The following VPS16 variants were observed in gnomAD, a reference collection of about 807,000 sequenced individuals.
VPS16 encodes vacuolar protein sorting-associated protein 16 homolog.
In VPS16, 82 loss-of-function variants were observed where a neutral mutation model predicts 116.0. The observed-to-expected ratio is 0.71, with a 90% CI of 0.59 to 0.85. VPS16 has a LOEUF of 0.85. VPS16 is among the 40% of genes least tolerant of loss of function. The pLI, the probability that VPS16 is intolerant of heterozygous loss-of-function variation, is 0.00. For synonymous variants in VPS16, 406 were observed against 420.7 expected (o/e 0.96, Z 0.43); for missense variants, 928 against 1,090.6 (o/e 0.85, Z 2.10).
At chr20:2,842,628 ATCTATC>A (rs2088992081) in intron 1 of VPS16, among the ~76,000 whole-genome samples, 2 of 148,870 alleles carry the variant, frequency 1.3e-5, no homozygotes, top group Non-Finnish European at 3.0e-5. Flanking sequence ...ATCTATCTAT[ATCTATC>A]TATAGATAGA....
Position 2,865,245 on chromosome 20 carries a change from C to T in VPS16, c.2102C>T (p.Thr701Ile). The change falls in exon 21 of 24, where the codon ACC (threonine) becomes ATC (isoleucine). Residue 701 changes from threonine to isoleucine, a missense_variant. Thr to Ile is a moderately conservative substitution (Grantham distance 89, BLOSUM62 -1). Transcript: ENST00000380445. The surrounding 1 kb of genome is among the most constrained non-coding windows in gnomAD (Gnocchi z 5.2). ...GACCTGTCTCTACATGACACAGTTA[C>T]CACCCTCATTCTTGGCGGTCACAAC... Reference protein sequence around the residue: ...FLDLSLHDTVTTLILGGHNKR... With the variant: ...FLDLSLHDTVITLILGGHNKR... The T allele has an allele frequency of 1.2e-6, 2 of 1,614,180 alleles. No individual in the cohort carries two copies. Among genetic ancestry groups the T allele is most frequent in the Admixed American group, 1.7e-5 (1 of 60,024 alleles).
rs1327643709 is a variant in VPS16, at chr20:2,863,768, AAAG to A, written c.1477-178_1477-176del. Among the ~76,000 whole-genome samples, 1 of 152,028 alleles carries A rather than the reference AAAG, an allele frequency of 6.6e-6. No homozygotes were observed. Among genetic ancestry groups the A allele is most frequent in the Non-Finnish European group, 1.5e-5 (1 of 67,996 alleles). ...CAGAGCAAGACTCTGTCTCAAAAAA[AAAG>A]AAAGAAGTGGCGGGGGCGGAGGAGG... On this transcript the variant is annotated intron_variant, in intron 15 of 23. Coordinates refer to ENST00000380445, the MANE Select transcript of VPS16 (RefSeq NM_022575.4). The surrounding 1 kb of genome is among the most constrained non-coding windows in gnomAD (Gnocchi z 4.4).
At chr20:2,845,586 GA>G (rs552691392) in intron 1 of VPS16, among the ~76,000 whole-genome samples, 55 of 139,736 alleles carry the variant, frequency 3.9e-4, no homozygotes, top group African/African-American at 6.3e-4. Context: ...TTGGGAGGCT[GA>G]AAAAAAAAAA....
chr20:2,857,995 G>A (rs2146661641), intron 1 of VPS16, among the ~76,000 whole-genome samples: 1 of 152,134 alleles, frequency 6.6e-6, no homozygotes, highest in South Asian at 2.1e-4. Flanking sequence ...ATCGATTCTT[G>A]CTATGGTATG....
Position 2,860,526 on chromosome 20 carries a change from G to A in VPS16, c.447G>A (p.Gly149=). 1 of 1,613,878 alleles carries A rather than the reference G, an allele frequency of 6.2e-7. No homozygotes were observed. The highest frequency in any genetic ancestry group is 8.5e-7 in the Non-Finnish European group (1 of 1,179,982). Reference sequence around the variant, plus strand: ...GTTCCGGAGTGGCCATCCTCACAGGGGCCCACCGCTTCACCCTCAGTGCCA... The same window carrying A: ...GTTCCGGAGTGGCCATCCTCACAGGAGCCCACCGCTTCACCCTCAGTGCCA... The part of the protein sequence containing the change: ...EFGSGVAILT[G]AHRFTLSANV... Residue 149 remains glycine, a synonymous_variant, in exon 5 of 24, where the codon GGG becomes GGA. Coordinates refer to ENST00000380445, the MANE Select transcript of VPS16 (RefSeq NM_022575.4). This position sits in a 1 kb window ranked among gnomAD's most constrained non-coding sequence, Gnocchi z 6.1.
intron 1 of VPS16, among the ~76,000 whole-genome samples, chr20:2,845,625 A>C (rs987153918): frequency 1.3e-5 from 2 of 152,046 alleles, no homozygotes; most frequent in African/African-American, 4.8e-5. Flanking sequence ...GTGGTTAAAT[A>C]TACATGATAT....
intron 1 of VPS16, among the ~76,000 whole-genome samples, chr20:2,857,507 T>C (rs1367500363): frequency 7.2e-6 from 1 of 138,764 alleles, no homozygotes; most frequent in Non-Finnish European, 1.5e-5. Context: ...GTTGTATTTC[T>C]TTCTTTTTTT....
At position 2,862,937 on chromosome 20, in the gene VPS16, AT is replaced by A. The variant is rs1429025802; in HGVS notation, c.1331+4del. 6 of 1,613,730 alleles carry A rather than the reference AT, an allele frequency of 3.7e-6. No individual in the cohort carries two copies. The Admixed American group carries it at 5.0e-5, about 13-fold the overall frequency. On this transcript the variant is annotated splice_donor_region_variant and intron_variant, in intron 13 of 23. Transcript: ENST00000380445. ...GGGATCCCGCTCACCTATAGCCAGT[AT>A]CCCTGTGCACGCCAGAAGGGTACCC...
Position 2,864,392 on chromosome 20 carries a change from A to G in VPS16, c.1748A>G (p.Asn583Ser). Residue 583 changes from asparagine (N) to serine (S), a missense_variant, in exon 18 of 24, where the codon AAC becomes AGC. Transcript: ENST00000380445. This position sits in a 1 kb window ranked among gnomAD's most constrained non-coding sequence, Gnocchi z 5.2. ...TTCACGGTGTTGCTGCACCTGAAGA[A>G]CGAGCTGAACCGAGGAGATTTTTTC... ...LVFTVLLHLKNELNRGDFFMT... is the reference protein window; with the variant it reads ...LVFTVLLHLKSELNRGDFFMT... 1 of 1,614,146 alleles carries G rather than the reference A, an allele frequency of 6.2e-7. No homozygotes were observed. Among genetic ancestry groups the G allele is most frequent in the Non-Finnish European group, 8.5e-7 (1 of 1,180,024 alleles).
intron 1 of VPS16, among the ~76,000 whole-genome samples, chr20:2,856,611 C>G (rs1043200483): frequency 6.6e-6 from 1 of 152,204 alleles, no homozygotes; most frequent in African/African-American, 2.4e-5. Context: ...ATCACTGTGT[C>G]TGGTTTAGTA....
At chr20:2,853,401 C>T (rs1336679373) in intron 1 of VPS16, among the ~76,000 whole-genome samples, 2 of 102,334 alleles carry the variant, frequency 2.0e-5, no homozygotes, top group Non-Finnish European at 3.4e-5. Context: ...AACAAACAAA[C>T]AACAACAAAA....
At chr20:2,848,439 G>A (rs1337594144) in intron 1 of VPS16, among the ~76,000 whole-genome samples, 1 of 152,110 alleles carries the variant, frequency 6.6e-6, no homozygotes, top group Admixed American at 6.5e-5. Context: ...TTGTTATCAG[G>A]TGTAATAGTG....
At position 2,864,148 on chromosome 20, in the gene VPS16, T is replaced by C. The variant is rs1426086953; in HGVS notation, c.1612-31T>C. The C allele has an allele frequency of 1.2e-6, 2 of 1,614,094 alleles. No homozygotes were observed. Among genetic ancestry groups the C allele is most frequent in the Non-Finnish European group, 1.7e-6 (2 of 1,179,914 alleles). ...TGTTCAGGGCCCCCATGCCAGCTCC[T>C]TCTCTCTGTGCCTTCCTTCTCACCT... On this transcript the variant is annotated intron_variant, in intron 16 of 23. Coordinates refer to ENST00000380445, the MANE Select transcript of VPS16 (RefSeq NM_022575.4). This position sits in a 1 kb window ranked among gnomAD's most constrained non-coding sequence, Gnocchi z 5.2.
At chr20:2,856,826 G>T (rs886829462) in intron 1 of VPS16, among the ~76,000 whole-genome samples, 1 of 152,072 alleles carries the variant, frequency 6.6e-6, no homozygotes, top group Admixed American at 6.6e-5. Context: ...GCACATTCCT[G>T]TGCCAAAATA....
chr20:2,843,855 G>A (rs1449756465), intron 1 of VPS16, among the ~76,000 whole-genome samples: 1 of 152,236 alleles, frequency 6.6e-6, no homozygotes, highest in Admixed American at 6.5e-5. Context: ...CTGCCAGAAA[G>A]GATTAGGGGT....
In VPS16 at chr20:2,864,097, G is replaced by A; in HGVS notation, c.1611+14G>A. On this transcript the variant is annotated intron_variant, in intron 16 of 23. Transcript: ENST00000380445. The surrounding 1 kb of genome is among the most constrained non-coding windows in gnomAD (Gnocchi z 5.2). ...CTGGCCATCAAGGTGTGGGTGCCCA[G>A]CCCTCCACAGACACTCTGATGTGGT... The A allele has an allele frequency of 6.2e-7, 1 of 1,613,736 alleles. No homozygotes were observed. The highest frequency in any genetic ancestry group is 1.3e-5 in the African/African-American group (1 of 75,040).
At chr20:2,847,141 G>C (rs1244418496) in intron 1 of VPS16, among the ~76,000 whole-genome samples, 2 of 152,208 alleles carry the variant, frequency 1.3e-5, no homozygotes, top group African/African-American at 4.8e-5. Context: ...AAGGCTTCAG[G>C]AGGTGGTCCA....
At chr20:2,848,403 C>G (rs1037258676) in intron 1 of VPS16, among the ~76,000 whole-genome samples, 19 of 152,132 alleles carry the variant, frequency 1.2e-4, no homozygotes, top group African/African-American at 4.6e-4. Context: ...GCCACCATGC[C>G]TGTCTGAAGC....
intron 1 of VPS16, among the ~76,000 whole-genome samples, chr20:2,845,287 T>A (rs2089047199): frequency 1.3e-5 from 2 of 151,978 alleles, no homozygotes; most frequent in Admixed American, 6.6e-5. Flanking sequence ...CAAGGATGAC[T>A]TGGATTTGGG....
Sources: gnomAD v4.1 joint callset for allele counts (sites outside exome capture counted in the v4.1 genomes callset) on GRCh38, gnomAD v4.1.1 for gene constraint, Gnocchi (gnomAD v3.1) non-coding constraint, MANE v1.5 for transcripts, NCBI Gene and HGNC (gene_info 2026-07-23, HGNC 2026-07-21) for gene names.